Variants in ESRRG observed in about 807,000 individuals in gnomAD.
ESRRG encodes estrogen-related receptor gamma.
Under a neutral mutation model 44.0 loss-of-function variants are expected in ESRRG, and 13 were observed. The observed-to-expected ratio is 0.30, with a 90% CI of 0.19 to 0.47. The LOEUF is 0.47. Ranked by LOEUF, ESRRG falls within the 20% of genes least tolerant of loss-of-function variation. ESRRG has a pLI of 1.00. For synonymous variants in ESRRG, 215 were observed against 214.6 expected, an observed-to-expected ratio of 1.00 and a Z score of -0.02; for missense variants, 395 against 580.6, an observed-to-expected ratio of 0.68 and a Z score of 3.29.
At chr1:216,661,394 C>T (rs959568527) in intron 2 of ESRRG, among the ~76,000 whole-genome samples, 1 of 152,176 alleles carries the variant, frequency 6.6e-6, no homozygotes, top group Non-Finnish European at 1.5e-5. Flanking sequence ...AACCTTGATG[C>T]AAGTCTGCTT....
intron 1 of ESRRG, among the ~76,000 whole-genome samples, chr1:217,064,648 A>G (rs1056128496): frequency 5.3e-5 from 8 of 152,238 alleles, no homozygotes; most frequent in African/African-American, 1.7e-4. Context: ...GCTAACAGGT[A>G]CAAAATATCA....
intron 1 of ESRRG, among the ~76,000 whole-genome samples, chr1:216,718,447 A>G (rs2085389696): frequency 1.3e-5 from 2 of 152,068 alleles, no homozygotes; most frequent in Admixed American, 6.6e-5. Flanking sequence ...GTATATCCAC[A>G]TATACATGGC....
chr1:217,100,429 A>G (rs1263075114), intron 1 of ESRRG, among the ~76,000 whole-genome samples: 1 of 152,096 alleles, frequency 6.6e-6, no homozygotes, highest in African/African-American at 2.4e-5. Context: ...ATCTTTTCCA[A>G]TCCTACTTAT....
At position 216,504,588 on chromosome 1, in the gene ESRRG, G is replaced by C. The variant is rs967839859; in HGVS notation, c.*2351C>G. 33 of 152,542 alleles carry C rather than the reference G, an allele frequency of 2.2e-4. No individual in the cohort carries two copies. The highest frequency in any genetic ancestry group is 7.7e-4 in the African/African-American group (32 of 41,442). 9.4% of individuals were successfully genotyped at this position (152,542 alleles called of 1,614,324 possible). On this transcript the variant is annotated 3_prime_UTR_variant, in exon 7 of 7. Coordinates refer to ENST00000408911, the MANE Select transcript of ESRRG (RefSeq NM_001438.4). ...TATTTTGTTTAAAGCACACAAAGTA[G>C]CAATAGTTTTGGAAACGAATCTGCA...
intron 1 of ESRRG, among the ~76,000 whole-genome samples, chr1:217,119,129 A>G (rs1201546267): frequency 6.6e-6 from 1 of 152,208 alleles, no homozygotes. Flanking sequence ...GAGTAGAATA[A>G]AAAGAATTCT....
intron 6 of ESRRG, among the ~76,000 whole-genome samples, chr1:216,516,636 T>TACACACACACACACACACACACACACAC (rs779496209): frequency 6.1e-5 from 8 of 130,442 alleles, no homozygotes; most frequent in African/African-American, 2.1e-4. Flanking sequence ...CACACACACA[T>TACACACACACACACACACACACACACAC]ACACACACAC....
At chr1:216,588,427 T>C (rs976529235) in intron 3 of ESRRG, among the ~76,000 whole-genome samples, 2 of 152,326 alleles carry the variant, frequency 1.3e-5, no homozygotes, top group Admixed American at 6.5e-5. Context: ...TCTGGCATTA[T>C]CAAACATAAA....
intron 1 of ESRRG, among the ~76,000 whole-genome samples, chr1:216,708,182 T>C (rs2082815872): frequency 6.6e-6 from 1 of 151,390 alleles, no homozygotes; most frequent in Non-Finnish European, 1.5e-5. Context: ...AAAATAAAAT[T>C]AGTAGCAAAG....
At chr1:216,630,013 C>T (rs1285991036) in intron 3 of ESRRG, among the ~76,000 whole-genome samples, 2 of 152,110 alleles carry the variant, frequency 1.3e-5, no homozygotes, top group Non-Finnish European at 2.9e-5. Flanking sequence ...CCACAAATTA[C>T]CCACGAAAAT....
rs548272941 is a variant in ESRRG at position 216,820,208 on chromosome 1, A to G, written c.-14+119374T>C. 1.2e-4 allele frequency among the ~76,000 whole-genome samples: 18 copies of G among 152,338 alleles called. No individual in the cohort carries two copies. The South Asian group carries it at 3.7e-3, about 32-fold the overall frequency. ...TGCACCATTTTCATTCAACACTCAC[A>G]ATACATAATACATTTCAGAGTCGAG... On this transcript the variant is annotated intron_variant, in intron 2 of 7. Coordinates refer to the ESRRG transcript ENST00000359162.
At chr1:216,660,632 G>C (rs2072062305) in intron 2 of ESRRG, among the ~76,000 whole-genome samples, 1 of 152,232 alleles carries the variant, frequency 6.6e-6, no homozygotes, top group Non-Finnish European at 1.5e-5. Context: ...TTGTGTAGCT[G>C]TTGCTGTTGC....
intron 3 of ESRRG, among the ~76,000 whole-genome samples, chr1:216,611,070 G>C (rs1295193784): frequency 6.6e-6 from 1 of 151,956 alleles, no homozygotes; most frequent in East Asian, 1.9e-4. Context: ...GGGCGTAGTG[G>C]CAGGTGCCTG....
intron 5 of ESRRG, among the ~76,000 whole-genome samples, chr1:216,521,988 C>T (rs917139503): frequency 3.9e-5 from 6 of 152,064 alleles, no homozygotes; most frequent in South Asian, 2.1e-4. Context: ...AAAGTTGCAC[C>T]GGGCCCCCTT....
intron 3 of ESRRG, among the ~76,000 whole-genome samples, chr1:216,636,872 A>G (rs1206127415): frequency 6.6e-6 from 1 of 152,246 alleles, no homozygotes; most frequent in East Asian, 1.9e-4. Context: ...TTTGTGAGAT[A>G]AGCAGGAGAT....
intron 2 of ESRRG, among the ~76,000 whole-genome samples, chr1:216,877,385 T>TTGTTTG (rs1553672383): frequency 2.5e-4 from 13 of 52,346 alleles, no homozygotes; most frequent in African/African-American, 1.1e-3. Context: ...TGGTGTTTTT[T>TTGTTTG]TTTGTTTGTT....
At chr1:217,132,576 A>G (rs1558296936) in intron 1 of ESRRG, among the ~76,000 whole-genome samples, 1 of 152,194 alleles carries the variant, frequency 6.6e-6, no homozygotes, top group Non-Finnish European at 1.5e-5. Context: ...TCAAGAGATT[A>G]TGCTCTGATT....
At chr1:216,519,097 G>A in intron 6 of ESRRG, 55 bp downstream of exon 6, 1 of 1,500,688 alleles carries the variant, frequency 6.7e-7, no homozygotes, top group Non-Finnish European at 9.2e-7. Flanking sequence ...TTAAGGAGAG[G>A]GGTAAAACTG....
intron 1 of ESRRG, among the ~76,000 whole-genome samples, chr1:217,131,799 A>G (rs530774710): frequency 5.9e-5 from 9 of 152,222 alleles, no homozygotes; most frequent in Non-Finnish European, 1.2e-4. Context: ...GAAAAGTATC[A>G]AGTTAATTGA....
At chr1:216,655,476 A>G (rs1341688674) in intron 2 of ESRRG, among the ~76,000 whole-genome samples, 2 of 152,154 alleles carry the variant, frequency 1.3e-5, no homozygotes, top group Non-Finnish European at 2.9e-5. Flanking sequence ...TAAAGAAATG[A>G]CTACACTGGG....
Sources: gnomAD v4.1 joint callset for allele counts (sites outside exome capture counted in the v4.1 genomes callset) on GRCh38, gnomAD v4.1.1 for gene constraint, MANE v1.5 for transcripts, NCBI Gene and HGNC (gene_info 2026-07-23, HGNC 2026-07-21) for gene names.